ASTN2: variants seen among roughly 807,000 people sequenced by gnomAD.
The protein encoded by ASTN2 is astrotactin-2.
Under a neutral mutation model 139.8 loss-of-function variants are expected in ASTN2, and 54 were observed. The ratio of observed to expected loss-of-function variants is 0.39; its 90% CI spans 0.31 to 0.48. ASTN2 has a LOEUF of 0.48. Ranked by LOEUF, ASTN2 falls within the 20% of genes least tolerant of loss-of-function variation. ASTN2 has a pLI of 0.95. For missense variants in ASTN2, 1,565 were observed against 1,725.1 expected, an observed-to-expected ratio of 0.91 and a Z score of 1.64; for synonymous variants, 756 against 719.5, an observed-to-expected ratio of 1.05 and a Z score of -0.81.
chr9:116,703,947 C>T (rs1379307093), intron 16 of ASTN2, among the ~76,000 whole-genome samples: 1 of 152,130 alleles, frequency 6.6e-6, no homozygotes, highest in Non-Finnish European at 1.5e-5. Flanking sequence ...GGCTGTGTAG[C>T]AAAATATACA....
At chr9:117,210,906 A>G (rs1832100447) in intron 3 of ASTN2, among the ~76,000 whole-genome samples, 1 of 152,090 alleles carries the variant, frequency 6.6e-6, no homozygotes, top group South Asian at 2.1e-4. Context: ...GCAAATCAAT[A>G]AACATATTTC....
At chr9:116,751,785 T>C (rs1049280754) in intron 13 of ASTN2, among the ~76,000 whole-genome samples, 1 of 152,048 alleles carries the variant, frequency 6.6e-6, no homozygotes, top group Non-Finnish European at 1.5e-5. Flanking sequence ...ATAAAATACT[T>C]GGGTATAAAT....
chr9:117,206,855 G>A lies in ASTN2; in HGVS notation c.1015+7503C>T, dbSNP rs186641614. 2.0e-5 allele frequency among the ~76,000 whole-genome samples: 3 copies of A among 152,284 alleles called. No homozygotes were observed. The East Asian group carries it at 5.8e-4, about 30-fold the overall frequency. On this transcript the variant is annotated intron_variant, in intron 3 of 22. Transcript: ENST00000313400. ...ATAACTCCAGGGCAGCAGAATGGCT[G>A]CATGCCTATGCACAGGACCTGAGAA...
At chr9:116,921,456 A>AG (rs1292311575) in intron 10 of ASTN2, among the ~76,000 whole-genome samples, 1 of 151,856 alleles carries the variant, frequency 6.6e-6, no homozygotes, top group Non-Finnish European at 1.5e-5. Flanking sequence ...GGTGTGGTGG[A>AG]GGTCGCCTGT....
intron 19 of ASTN2, among the ~76,000 whole-genome samples, chr9:116,539,447 G>T (rs916613561): frequency 5.9e-5 from 9 of 151,808 alleles, no homozygotes; most frequent in African/African-American, 2.2e-4. Context: ...ATAGTATATG[G>T]AAAAAAAATT....
chr9:117,141,591 T>G (rs1830077553), intron 3 of ASTN2, 113 bp from the exon 4 acceptor site: 1 of 970,770 alleles, frequency 1.0e-6, no homozygotes, highest in African/African-American at 1.7e-5. Flanking sequence ...GCACTAGACC[T>G]GGCCACCCTA....
intron 1 of ASTN2, among the ~76,000 whole-genome samples, chr9:117,374,557 A>T (rs967587935): frequency 1.3e-5 from 2 of 152,136 alleles, no homozygotes; most frequent in Non-Finnish European, 2.9e-5. Flanking sequence ...GCAAGGCTTG[A>T]AAATTAACTC....
rs910144394 is a variant in ASTN2 at position 117,255,339 on chromosome 9, G to T, written c.630+35987C>A. On this transcript the variant is annotated intron_variant, in intron 2 of 22. Coordinates refer to ENST00000313400, the MANE Select transcript of ASTN2 (RefSeq NM_001365068.1). ...AGATGCATTTCACCCTCATTAAGGG[G>T]ATACTGAATGCCTACCATGTGCTAA... Among the ~76,000 whole-genome samples the T allele has an allele frequency of 2.0e-5, 3 of 152,348 alleles. No individual in the cohort carries two copies. The East Asian group carries it at 5.8e-4, about 29-fold the overall frequency.
intron 1 of ASTN2, among the ~76,000 whole-genome samples, chr9:117,352,454 C>T (rs1193820681): frequency 2.6e-5 from 4 of 152,040 alleles, no homozygotes; most frequent in Admixed American, 6.6e-5. Flanking sequence ...TTTTACAGTC[C>T]AAGAATCAGA....
intron 5 of ASTN2, among the ~76,000 whole-genome samples, chr9:117,050,535 G>A (rs148838355): frequency 4.3e-4 from 65 of 152,120 alleles, no homozygotes; most frequent in East Asian, 7.8e-4. Flanking sequence ...AAAGCCCACC[G>A]TAAGCACCAG....
intron 14 of ASTN2, among the ~76,000 whole-genome samples, chr9:116,732,550 C>T (rs959947996): frequency 2.0e-5 from 3 of 152,192 alleles, no homozygotes; most frequent in African/African-American, 7.2e-5. Flanking sequence ...TGACTATTCT[C>T]CCTGGGCAGT....
chr9:117,339,650 G>A (rs1185380816), intron 1 of ASTN2, among the ~76,000 whole-genome samples: 1 of 152,108 alleles, frequency 6.6e-6, no homozygotes, highest in African/African-American at 2.4e-5. Context: ...TTAATGTCAG[G>A]CCTCTCATGT....
chr9:117,057,050 T>C (rs757692654), intron 5 of ASTN2, among the ~76,000 whole-genome samples: 1 of 152,222 alleles, frequency 6.6e-6, no homozygotes, highest in Non-Finnish European at 1.5e-5. Flanking sequence ...TTGATAATTA[T>C]CAGCTCTTTT....
chr9:116,545,580 G>C (rs1852058043), intron 19 of ASTN2, among the ~76,000 whole-genome samples: 1 of 152,098 alleles, frequency 6.6e-6, no homozygotes, highest in Non-Finnish European at 1.5e-5. Context: ...GTTTCCTTAA[G>C]CTTGCAGAAA....
At chr9:117,329,057 G>T (rs958660028) in intron 1 of ASTN2, among the ~76,000 whole-genome samples, 4 of 152,140 alleles carry the variant, frequency 2.6e-5, no homozygotes, top group African/African-American at 9.7e-5. Context: ...CTTCTGTCAG[G>T]TTAACCTGCA....
At chr9:116,467,611 G>A (rs1485371992) in intron 20 of ASTN2, among the ~76,000 whole-genome samples, 2 of 152,158 alleles carry the variant, frequency 1.3e-5, no homozygotes, top group East Asian at 3.9e-4. Context: ...TTCAGCTGGG[G>A]CTGAAGTCAG....
chr9:116,483,158 C>T (rs988897426), intron 20 of ASTN2, among the ~76,000 whole-genome samples: 1 of 152,242 alleles, frequency 6.6e-6, no homozygotes, highest in African/African-American at 2.4e-5. Flanking sequence ...TCCAACAACC[C>T]ACCCACGGCA....
At chr9:117,063,301 C>A (rs1377101672) in intron 5 of ASTN2, among the ~76,000 whole-genome samples, 1 of 152,178 alleles carries the variant, frequency 6.6e-6, no homozygotes, top group African/African-American at 2.4e-5. Flanking sequence ...TGTGTCCCCA[C>A]CCAAATCTCA....
chr9:116,531,336 T>G (rs1851334715), intron 19 of ASTN2, among the ~76,000 whole-genome samples: 1 of 152,206 alleles, frequency 6.6e-6, no homozygotes, highest in South Asian at 2.1e-4. Flanking sequence ...TCTTTTGACA[T>G]ATGATACAGA....
Sources: allele counts gnomAD v4.1 joint callset (sites outside exome capture counted in the v4.1 genomes callset), GRCh38; gene constraint gnomAD v4.1.1; transcripts MANE v1.5; gene names NCBI Gene and HGNC (gene_info 2026-07-23, HGNC 2026-07-21).